The following TCF3 variants were observed in gnomAD, a reference collection of about 807,000 sequenced individuals.
TCF3 encodes the protein transcription factor E2-alpha.
A neutral mutation model predicts 72.3 loss-of-function variants in TCF3; 54 were observed. The ratio of observed to expected loss-of-function variants is 0.75; its 90% CI spans 0.60 to 0.94. The LOEUF is 0.94. Ranked by LOEUF, TCF3 falls within the 40% of genes least tolerant of loss-of-function variation. TCF3 has a pLI of 0.00. For synonymous variants in TCF3, 525 were observed against 412.6 expected (o/e 1.27, Z -3.30); for missense variants, 1,078 against 934.4 (o/e 1.15, Z -2.00).
chr19:1,618,549 C>T (rs1436791981), intron 16 of TCF3, among the ~76,000 whole-genome samples: 1 of 151,538 alleles, frequency 6.6e-6, no homozygotes, highest in Non-Finnish European at 1.5e-5. Flanking sequence ...CTGCTCCAAC[C>T]CCACGGGTCT....
In TCF3 at chr19:1,615,828, C is replaced by T. The variant is rs368167225; in HGVS notation, c.1451-7G>A. ...GCACCTGCTCGCCCTAGCCCTGCAA[C>T]AGGCCTAGGGTCAGGGGCCTGCGTC... On this transcript the variant is annotated splice_region_variant and splice_polypyrimidine_tract_variant and intron_variant, in intron 16 of 18. Coordinates refer to ENST00000262965, the MANE Select transcript of TCF3 (RefSeq NM_003200.5). The surrounding 1 kb of genome is among the most constrained non-coding windows in gnomAD (Gnocchi z 7.3). 1.1e-5 allele frequency: 17 copies of T among 1,551,838 alleles called. No homozygotes were observed. Among genetic ancestry groups the T allele is most frequent in the Non-Finnish European group, 1.5e-5 (17 of 1,145,776 alleles).
Position 1,630,697 on chromosome 19 carries a change from AGGATGACTGAG to A in TCF3, c.298+1330_298+1340del, listed in dbSNP as rs535739316. On this transcript the variant is annotated intron_variant, in intron 5 of 18. Transcript: ENST00000262965. The stretch of plus-strand genomic sequence containing the variant: ...AGAGAAGGGAAGGATCCCGCATCCC[AGGATGACTGAG>A]GGATGAAACCACAAATTCCACAGCT... Among the ~76,000 whole-genome samples the A allele has an allele frequency of 3.6e-3, 545 of 152,328 alleles. 3 individuals are homozygous for A. The highest frequency in any genetic ancestry group is 0.012 in the African/African-American group (503 of 41,574).
intron 7 of TCF3, among the ~76,000 whole-genome samples, chr19:1,624,289 G>A (rs1024540002): frequency 4.6e-5 from 7 of 152,108 alleles, no homozygotes; most frequent in African/African-American, 4.8e-5. Flanking sequence ...CCAGCTACTC[G>A]GGAGGCCGAG....
chr19:1,623,977 T>G lies in TCF3; in HGVS notation c.523A>C (p.Lys175Gln). The G allele has an allele frequency of 6.2e-7, 1 of 1,613,356 alleles. No homozygotes were observed. The highest frequency in any genetic ancestry group is 8.5e-7 in the Non-Finnish European group (1 of 1,179,932). ...SLDTQPKKVR[K>Q]VPPGLPSSVY... ...GAGGATGGAAGACCCGGCGGGACCT[T>G]CCGGACCTTCTTGGGCTGCGTGTCT... is the stretch of plus-strand genomic sequence containing the variant. The change falls in exon 8 of 19, where the codon AAG becomes CAG. Residue 175 changes from lysine to glutamine, a missense_variant. Lys to Gln is a moderately conservative substitution (Grantham distance 53). Coordinates refer to ENST00000262965, the MANE Select transcript of TCF3 (RefSeq NM_003200.5).
intron 8 of TCF3, 143 bp downstream of exon 8, chr19:1,623,808 G>C: frequency 1.2e-6 from 1 of 803,386 alleles, no homozygotes; most frequent in South Asian, 1.8e-5. Context: ...TCGGGTCAGA[G>C]CTCAGATCTT....
At chr19:1,616,536 GA>G (rs2061565156) in intron 16 of TCF3, 1 of 151,970 alleles carries the variant, frequency 6.6e-6, no homozygotes, top group Non-Finnish European at 1.5e-5. Context: ...CCCTTGTGCA[GA>G]TGCTATGCTA....
At chr19:1,623,516 TG>T (rs2146196281) in intron 8 of TCF3, among the ~76,000 whole-genome samples, 1 of 151,978 alleles carries the variant, frequency 6.6e-6, no homozygotes, top group Admixed American at 6.5e-5. Flanking sequence ...CCCAAGTAGC[TG>T]GGATTACAGG....
chr19:1,651,357 C>T (rs969514422), intron 1 of TCF3: 5 of 227,654 alleles, frequency 2.2e-5, no homozygotes, highest in Non-Finnish European at 4.4e-5. Flanking sequence ...CCCTCTTTGT[C>T]TGCCAACTGG....
chr19:1,644,057 CG>C (rs2065712703), intron 3 of TCF3, among the ~76,000 whole-genome samples: 1 of 152,132 alleles, frequency 6.6e-6, no homozygotes, highest in African/African-American at 2.4e-5. Flanking sequence ...CCCACAGCTC[CG>C]GGGCTCCATC....
In TCF3 at chr19:1,619,172, C is replaced by A; in HGVS notation, c.1389G>T (p.Ala463=). 6.2e-7 allele frequency: 1 copy of A among 1,600,286 alleles called. No homozygotes were observed. The highest frequency in any genetic ancestry group is 1.1e-5 in the South Asian group (1 of 91,048). The change falls in exon 16 of 19, where the codon GCG becomes GCT. Residue 463 remains alanine, a synonymous_variant. Coordinates refer to ENST00000262965, the MANE Select transcript of TCF3 (RefSeq NM_003200.5). ...AGSTSLMHNH[A]ALPSQPGTLP... ...GGGTGCCTGGCTGGCTGGGGAGGGC[C>A]GCGTGGTTGTGCATGAGGCTGGTGC...
At chr19:1,618,475 C>T (rs2061782436) in intron 16 of TCF3, among the ~76,000 whole-genome samples, 2 of 152,148 alleles carry the variant, frequency 1.3e-5, no homozygotes, top group African/African-American at 4.8e-5. Flanking sequence ...CCCCGCAGCC[C>T]ACAAGGCCCC....
At chr19:1,649,669 C>T (rs769812427) in intron 2 of TCF3, among the ~76,000 whole-genome samples, 11 of 152,158 alleles carry the variant, frequency 7.2e-5, no homozygotes, top group Non-Finnish European at 1.3e-4. Flanking sequence ...GCGATCCTCC[C>T]GCCTCAGCCT....
At chr19:1,619,912 T>C (rs934029328) in intron 13 of TCF3, 59 bp from the exon 14 acceptor site, 29 of 1,385,118 alleles carry the variant, frequency 2.1e-5, no homozygotes, top group Admixed American at 8.1e-5. Flanking sequence ...CATGGCCTGA[T>C]GCCCATGGGG....
intron 4 of TCF3, 40 bp from the exon 5 acceptor site, chr19:1,632,156 C>G: frequency 2.5e-6 from 4 of 1,598,584 alleles, no homozygotes; most frequent in Non-Finnish European, 3.4e-6. Context: ...GCTGGGGCTT[C>G]ACAGGCCCCC....
chr19:1,620,918 C>T (rs371016412), intron 13 of TCF3, 50 bp downstream of exon 13: 78 of 1,420,792 alleles, frequency 5.5e-5, no homozygotes, highest in Non-Finnish European at 7.0e-5. Flanking sequence ...TCCCCTCCCC[C>T]CAAACCCTCA....
At chr19:1,619,755 G>GGGGT in intron 14 of TCF3, 25 bp downstream of exon 14, 1 of 1,535,430 alleles carries the variant, frequency 6.5e-7, no homozygotes, top group Non-Finnish European at 8.8e-7. Context: ...GGGGAAGGGT[G>GGGGT]GGGTGGGGCG....
At chr19:1,618,881 GC>G (rs1045792397) in intron 16 of TCF3, among the ~76,000 whole-genome samples, 1 of 152,198 alleles carries the variant, frequency 6.6e-6, no homozygotes, top group Non-Finnish European at 1.5e-5. Context: ...GCGTCTGGGA[GC>G]AGGCGAATGA....
intron 16 of TCF3, among the ~76,000 whole-genome samples, chr19:1,617,219 A>C (rs1221456893): frequency 6.6e-6 from 1 of 152,224 alleles, no homozygotes; most frequent in Non-Finnish European, 1.5e-5. Flanking sequence ...CAACAGGTGT[A>C]TCACACCCTT....
rs1002312504 is a variant in TCF3, at chr19:1,609,484, C to G, written c.*2223G>C. 1 of 215,452 alleles carries G rather than the reference C, an allele frequency of 4.6e-6. No homozygotes were observed. The highest frequency in any genetic ancestry group is 2.3e-5 in the African/African-American group (1 of 44,102). The allele number at this position is 215,452 out of a possible 1,614,324, so 13.3% of individuals were successfully genotyped here. Reference sequence around the variant, plus strand: ...CACTCAGATCACACCCCCCACCCCCCATAATTGTGGTTCCCAGGAACTGCT... The same window carrying G: ...CACTCAGATCACACCCCCCACCCCCGATAATTGTGGTTCCCAGGAACTGCT... On this transcript the variant is annotated 3_prime_UTR_variant, in exon 19 of 19. Coordinates refer to ENST00000262965, the MANE Select transcript of TCF3 (RefSeq NM_003200.5).
Sources: gnomAD v4.1 joint callset for allele counts (sites outside exome capture counted in the v4.1 genomes callset) on GRCh38, gnomAD v4.1.1 for gene constraint, Gnocchi (gnomAD v3.1) non-coding constraint, MANE v1.5 for transcripts, NCBI Gene and HGNC (gene_info 2026-07-23, HGNC 2026-07-21) for gene names.